RPL30: variants seen among roughly 807,000 people sequenced by gnomAD.
RPL30 encodes ribosomal protein L30.
For missense variants in RPL30, 60 were observed against 138.0 expected (o/e 0.43, Z 2.83); for synonymous variants, 40 against 50.4 (o/e 0.79, Z 0.87).
intron 4 of RPL30, 168 bp downstream of exon 4, chr8:98,042,477 G>C: frequency 1.6e-6 from 1 of 626,626 alleles, no homozygotes; most frequent in Non-Finnish European, 2.7e-6. Flanking sequence ...TAATGTATTG[G>C]CATTCATTAC....
chr8:98,045,001 T>C lies in RPL30; in HGVS notation c.109A>G (p.Met37Val), dbSNP rs1387532985. The C allele has an allele frequency of 6.2e-7, 1 of 1,614,116 alleles. No homozygotes were observed. Among genetic ancestry groups the C allele is most frequent in the South Asian group, 1.1e-5 (1 of 91,090 alleles). ...YVLGYKQTLKMIRQGKAKLVI... is the reference protein window; with the variant it reads ...YVLGYKQTLKVIRQGKAKLVI... ...AATTTCGCTTTGCCTTGTCTGATCA[T>C]CTTCAGAGTCTGCTTGTACCCCAGG... Residue 37 changes from methionine to valine, a missense_variant, in exon 3 of 5, where the codon ATG becomes GTG. Transcript: ENST00000287038.
At chr8:98,044,842 A>G in intron 3 of RPL30, 101 bp downstream of exon 3, 1 of 1,268,294 alleles carries the variant, frequency 7.9e-7, no homozygotes. Context: ...TTATCCTGCA[A>G]GTGTTCGAGT....
chr8:98,045,310 C>T (rs1260010066), intron 2 of RPL30, 37 bp downstream of exon 2: 1 of 1,613,864 alleles, frequency 6.2e-7, no homozygotes, highest in Admixed American at 1.7e-5. Flanking sequence ...CATCTCTCCA[C>T]GTGAATCGTC....
At chr8:98,044,118 AT>A (rs1814432787) in intron 3 of RPL30, 2 of 152,344 alleles carry the variant, frequency 1.3e-5, no homozygotes, top group South Asian at 2.1e-4. Flanking sequence ...CTTAAAAAAA[AT>A]AAAATAATAA....
chr8:98,041,925 C>T, intron 4 of RPL30, 75 bp from the exon 5 acceptor site: 2 of 1,085,266 alleles, frequency 1.8e-6, no homozygotes, highest in East Asian at 2.4e-5. Flanking sequence ...ATTTCTCTAC[C>T]TTTGGTTATC....
intron 1 of RPL30, 49 bp downstream of exon 1, chr8:98,045,459 G>A: frequency 2.0e-6 from 3 of 1,508,406 alleles, no homozygotes; most frequent in Admixed American, 1.7e-5. Context: ...ATGGCAACCC[G>A]CAAAGCTCCC....
At chr8:98,043,456 A>C (rs1814418981) in intron 3 of RPL30, 1 of 146,334 alleles carries the variant, frequency 6.8e-6, no homozygotes, top group African/African-American at 2.5e-5. Context: ...TAATCTAATG[A>C]AACTGAGCCA....
chr8:98,045,395 C>T lies in RPL30; in HGVS notation c.-28G>A, dbSNP rs1235463358. Reference sequence around the variant, plus strand: ...TCCTGCCTTAGGAGCGGGACGGCCCCCAACCTAGAAGAGACAGAGAACAGG... The same window carrying T: ...TCCTGCCTTAGGAGCGGGACGGCCCTCAACCTAGAAGAGACAGAGAACAGG... On this transcript the variant is annotated 5_prime_UTR_variant, in exon 2 of 5. Coordinates refer to ENST00000287038, the MANE Select transcript of RPL30 (RefSeq NM_000989.4). 1.2e-6 allele frequency: 2 copies of T among 1,614,120 alleles called. No individual in the cohort carries two copies. The highest frequency in any genetic ancestry group is 2.2e-5 in the South Asian group (2 of 91,086).
At position 98,045,175 on chromosome 8, in the gene RPL30, T is replaced by C. The variant is rs752019703; in HGVS notation, c.22-87A>G. ...CCCAGCTTTTTGAAGCCGAGCCCCT[T>C]AAACTTCCGAAGTCGAGGACCCCAA... On this transcript the variant is annotated intron_variant, in intron 2 of 4. Transcript: ENST00000287038. 3 of 1,563,720 alleles carry C rather than the reference T, an allele frequency of 1.9e-6. No individual in the cohort carries two copies. The African/African-American group carries it at 4.1e-5, about 21-fold the overall frequency.
At chr8:98,043,107 A>G (rs2444859) in intron 3 of RPL30, 10,649 of 168,090 alleles carry the variant, frequency 0.063, 474 homozygotes, top group East Asian at 0.19. Flanking sequence ...TATTTCCATG[A>G]CAATCTCTAA....
Position 98,045,516 on chromosome 8 carries a change from G to A in RPL30, c.-41C>T. 2 of 743,098 alleles carry A rather than the reference G, an allele frequency of 2.7e-6. No homozygotes were observed. The highest frequency in any genetic ancestry group is 2.3e-6 in the Non-Finnish European group (1 of 435,084). The allele number at this position is 743,098 out of a possible 1,614,324, so 46.0% of individuals were successfully genotyped here. A position where few individuals can be genotyped will look rare whatever the true frequency, so the allele number is the denominator to read the frequency against. ...GGTAGGAGCCCACTCACCAACAGCA[G>A]CCGCTAAGATGGCCGGGGAACGAGA... On this transcript the variant is annotated 5_prime_UTR_variant, in exon 1 of 5. Transcript: ENST00000287038.
chr8:98,044,929 GTC>G lies in RPL30; in HGVS notation c.167+12_167+13del, dbSNP rs753506756. 9.0e-4 allele frequency: 1,457 copies of G among 1,611,112 alleles called. No homozygotes were observed. The highest frequency in any genetic ancestry group is 1.2e-3 in the Non-Finnish European group (1,372 of 1,179,288). Reference sequence around the variant, plus strand: ...ATTCGCGGTAGGCGAAGCCCGTTCAGTCTCTTCGATTACCTCAAAGCTGGGCA... The same window carrying G: ...ATTCGCGGTAGGCGAAGCCCGTTCAGTCTTCGATTACCTCAAAGCTGGGCA... On this transcript the variant is annotated intron_variant, in intron 3 of 4. Transcript: ENST00000287038.
rs566396413 is a variant in RPL30 at position 98,044,839 on chromosome 8, G to C, written c.167+104C>G. On this transcript the variant is annotated intron_variant, in intron 3 of 4. Coordinates refer to ENST00000287038, the MANE Select transcript of RPL30 (RefSeq NM_000989.4). The stretch of plus-strand genomic sequence containing the variant: ...CCACAATCGCTACCGTAATTATCCT[G>C]CAAGTGTTCGAGTTCATGGTACTCA... 4.8e-6 allele frequency: 6 copies of C among 1,252,694 alleles called. No individual in the cohort carries two copies. In the South Asian group the frequency reaches 5.6e-5, roughly 12 times the overall value. The allele number at this position is 1,252,694 out of a possible 1,614,324, so 77.6% of individuals were successfully genotyped here.
intron 4 of RPL30, 95 bp from the exon 5 acceptor site, chr8:98,041,945 G>A (rs925258860): frequency 1.1e-6 from 1 of 913,858 alleles, no homozygotes; most frequent in Non-Finnish European, 1.7e-6. Flanking sequence ...CCCTTCTGTA[G>A]ACAATGGTCT....
At chr8:98,045,261 T>G in intron 2 of RPL30, 86 bp downstream of exon 2, 1 of 1,584,052 alleles carries the variant, frequency 6.3e-7, no homozygotes. Flanking sequence ...AGGCATGCTG[T>G]CACCCCCGTG....
chr8:98,042,994 C>T (rs2877453), intron 3 of RPL30: 12 of 442,452 alleles, frequency 2.7e-5, no homozygotes, highest in Non-Finnish European at 4.8e-5. Context: ...ATCTAATCAA[C>T]CCCTACTATG....
chr8:98,042,503 T>TA (rs1469381975), intron 4 of RPL30, 142 bp downstream of exon 4: 18 of 787,342 alleles, frequency 2.3e-5, no homozygotes, highest in Non-Finnish European at 3.4e-5. Context: ...CTCTACAAAA[T>TA]ACAACTACAC....
chr8:98,043,869 T>C (rs941247955), intron 3 of RPL30: 1 of 151,712 alleles, frequency 6.6e-6, no homozygotes, highest in Admixed American at 6.6e-5. Context: ...TCTCAGCAGT[T>C]TGGGAGGCCG....
intron 3 of RPL30, 29 bp from the exon 4 acceptor site, chr8:98,042,804 A>G (rs2130480695): frequency 6.5e-7 from 1 of 1,544,884 alleles, no homozygotes; most frequent in East Asian, 2.3e-5. Context: ...GCAAATAAAT[A>G]AATGCGATAC....
Sources: gnomAD v4.1 joint callset for allele counts on GRCh38, gnomAD v4.1.1 for gene constraint, MANE v1.5 for transcripts, NCBI Gene and HGNC (gene_info 2026-07-23, HGNC 2026-07-21) for gene names.